The following PLXNA4 variants were observed in gnomAD, a reference collection of about 807,000 sequenced individuals.
PLXNA4 encodes plexin-A4.
PLXNA4 carries 44 observed loss-of-function variants against 191.8 expected under a neutral mutation model. That is an observed-to-expected ratio of 0.23 (90% confidence interval 0.18 to 0.29). PLXNA4 has a LOEUF of 0.29. PLXNA4 is among the 10% of genes least tolerant of loss of function. The probability of loss-of-function intolerance (pLI) is 1.00; values close to 1 mark genes in which losing one functional copy is unlikely to be tolerated. For missense variants in PLXNA4, 1,800 were observed against 2,488.8 expected, an observed-to-expected ratio of 0.72 and a Z score of 5.89; for synonymous variants, 1,082 against 1,009.5, an observed-to-expected ratio of 1.07 and a Z score of -1.36.
intron 3 of PLXNA4, among the ~76,000 whole-genome samples, chr7:132,445,786 G>A (rs1464437441): frequency 2.0e-5 from 3 of 152,182 alleles, no homozygotes; most frequent in Non-Finnish European, 2.9e-5. Flanking sequence ...GGATGGGACC[G>A]AAGGGTGCCA....
At chr7:132,481,998 G>A (rs1015409031) in intron 3 of PLXNA4, among the ~76,000 whole-genome samples, 1 of 152,204 alleles carries the variant, frequency 6.6e-6, no homozygotes. Flanking sequence ...GGCCACTGGT[G>A]TTCCTGAGGA....
chr7:132,416,985 T>C (rs1794682500), intron 3 of PLXNA4, among the ~76,000 whole-genome samples: 1 of 151,816 alleles, frequency 6.6e-6, no homozygotes, highest in Admixed American at 6.6e-5. Flanking sequence ...TTTCAGATTC[T>C]AGTTAAAAAA....
intron 14 of PLXNA4, among the ~76,000 whole-genome samples, chr7:132,188,951 G>GAGGAGAGGAAAGGAAAGGAA (rs1562908606): frequency 2.0e-5 from 1 of 49,982 alleles, no homozygotes; most frequent in Non-Finnish European, 5.4e-5. Flanking sequence ...CCTTCCCAGA[G>GAGGAGAGGAAAGGAAAGGAA]AGGAAAGGAA....
At chr7:132,503,134 A>C (rs1798323228) in intron 2 of PLXNA4, among the ~76,000 whole-genome samples, 1 of 151,980 alleles carries the variant, frequency 6.6e-6, no homozygotes, top group Admixed American at 6.5e-5. Context: ...ACTGAAGTGG[A>C]GTGAATGACA....
chr7:132,595,483 C>T (rs985422308), intron 2 of PLXNA4, among the ~76,000 whole-genome samples: 7 of 152,152 alleles, frequency 4.6e-5, no homozygotes, highest in African/African-American at 1.7e-4. Context: ...TTTTAAATCC[C>T]CAGATACGGG....
chr7:132,550,098 C>A (rs1299580140), intron 1 of PLXNA4, among the ~76,000 whole-genome samples: 5 of 152,110 alleles, frequency 3.3e-5, no homozygotes, highest in African/African-American at 9.7e-5. Context: ...TAGGGCTATA[C>A]CCCACCTGCT....
intron 2 of PLXNA4, among the ~76,000 whole-genome samples, chr7:132,615,749 C>A (rs1445774431): frequency 6.6e-6 from 1 of 152,114 alleles, no homozygotes; most frequent in Non-Finnish European, 1.5e-5. Context: ...CAGACTCTGT[C>A]CACATCAGCT....
chr7:132,376,280 T>C (rs1353888684), intron 3 of PLXNA4, among the ~76,000 whole-genome samples: 1 of 152,106 alleles, frequency 6.6e-6, no homozygotes, highest in African/African-American at 2.4e-5. Context: ...AAAGCCTCTA[T>C]TGCTCCGCAA....
At chr7:132,353,025 T>C (rs1162560166) in intron 3 of PLXNA4, among the ~76,000 whole-genome samples, 2 of 152,196 alleles carry the variant, frequency 1.3e-5, no homozygotes, top group African/African-American at 4.8e-5. Context: ...TCCACTAATA[T>C]ATGTGAACGT....
chr7:132,484,819 G>A, intron 3 of PLXNA4: 1 of 1,613,898 alleles, frequency 6.2e-7, no homozygotes, highest in East Asian at 2.2e-5. Flanking sequence ...AGTAATTTTA[G>A]GAAGAATTCC....
intron 14 of PLXNA4, among the ~76,000 whole-genome samples, chr7:132,191,109 A>G (rs1244064674): frequency 6.6e-6 from 1 of 152,084 alleles, no homozygotes; most frequent in Non-Finnish European, 1.5e-5. Context: ...TTGAATGGGG[A>G]AGCAGACAGA....
intron 5 of PLXNA4, among the ~76,000 whole-genome samples, chr7:132,231,404 T>C (rs554643859): frequency 6.6e-6 from 1 of 152,316 alleles, no homozygotes; most frequent in African/African-American, 2.4e-5. Flanking sequence ...TTATTTTTTA[T>C]CTTATTTTTA....
chr7:132,511,111 G>A (rs1798696833), intron 1 of PLXNA4, among the ~76,000 whole-genome samples: 1 of 152,166 alleles, frequency 6.6e-6, no homozygotes, highest in African/African-American at 2.4e-5. Flanking sequence ...ATTCACAGCT[G>A]CACATATAGA....
chr7:132,556,285 A>G lies in PLXNA4; in HGVS notation c.-87+20137T>C, dbSNP rs186889591. Among the ~76,000 whole-genome samples, 345 of 152,256 alleles carry G rather than the reference A, an allele frequency of 2.3e-3. 2 individuals are homozygous for G. The highest frequency in any genetic ancestry group is 7.9e-3 in the African/African-American group (330 of 41,558). ...TGCCCCTCGTGCCCTCTGGCTGTCC[A>G]CCTGCAGGGTTGAGGTGACCCGCTA... On this transcript the variant is annotated intron_variant, in intron 1 of 31. Transcript: ENST00000321063.
rs189123553 is a variant in PLXNA4 at position 132,256,812 on chromosome 7, T to C, written c.1504-15646A>G. 6.7e-4 allele frequency among the ~76,000 whole-genome samples: 102 copies of C among 152,256 alleles called. 1 individual carries two copies. In the East Asian group the frequency reaches 0.014, roughly 20 times the overall value. ...TGACCATAGGGAGCAGAGGAGTTAG[T>C]GATTTGAGGATTATGCATTTTGCCC... On this transcript the variant is annotated intron_variant, in intron 4 of 31. Coordinates refer to ENST00000321063, the MANE Select transcript of PLXNA4 (RefSeq NM_020911.2).
intron 4 of PLXNA4, among the ~76,000 whole-genome samples, chr7:132,295,860 A>C (rs1801058794): frequency 1.3e-5 from 2 of 152,224 alleles, no homozygotes; most frequent in South Asian, 2.1e-4. Context: ...TTCTAAGCTT[A>C]TTATATGCCT....
In PLXNA4 at chr7:132,232,359, C is replaced by T. The variant is rs1384657545; in HGVS notation, c.1605-3890G>A. On this transcript the variant is annotated intron_variant, in intron 5 of 31. Coordinates refer to ENST00000321063, the MANE Select transcript of PLXNA4 (RefSeq NM_020911.2). Reference sequence around the variant, plus strand: ...AAAACGGATTCAGACAGTGCATATACTGTGTGACTTGGAGTTTTCTGACAT... The same window carrying T: ...AAAACGGATTCAGACAGTGCATATATTGTGTGACTTGGAGTTTTCTGACAT... 2.0e-5 allele frequency among the ~76,000 whole-genome samples: 3 copies of T among 152,154 alleles called. No individual in the cohort carries two copies. In the East Asian group the frequency reaches 5.8e-4, roughly 29 times the overall value.
chr7:132,136,961 T>C (rs1305093158), intron 30 of PLXNA4, among the ~76,000 whole-genome samples: 1 of 152,114 alleles, frequency 6.6e-6, no homozygotes, highest in African/African-American at 2.4e-5. Context: ...ACTATGATGC[T>C]TGTGGGGCCT....
At chr7:132,396,536 T>C (rs141231408) in intron 3 of PLXNA4, among the ~76,000 whole-genome samples, 20 of 152,222 alleles carry the variant, frequency 1.3e-4, no homozygotes, top group African/African-American at 4.6e-4. Flanking sequence ...TATCACCAAG[T>C]ATGGAGTGCA....
Sources: allele counts gnomAD v4.1 joint callset (sites outside exome capture counted in the v4.1 genomes callset), GRCh38; gene constraint gnomAD v4.1.1; transcripts MANE v1.5; gene names NCBI Gene and HGNC (gene_info 2026-07-23, HGNC 2026-07-21).